The following MOGS variants were observed in gnomAD, a reference collection of about 807,000 sequenced individuals.
MOGS encodes mannosyl-oligosaccharide glucosidase, also known as epididymis secretory sperm binding protein.
In MOGS, 45 loss-of-function variants were observed where a neutral mutation model predicts 68.5. The ratio of observed to expected loss-of-function variants is 0.66; its 90% CI spans 0.52 to 0.84. The LOEUF (loss-of-function observed/expected upper bound fraction) is 0.84. Ranked by LOEUF, MOGS falls within the 40% of genes least tolerant of loss-of-function variation. The probability of loss-of-function intolerance (pLI) is 0.00; values close to 1 mark genes in which losing one functional copy is unlikely to be tolerated. For synonymous variants in MOGS, 492 were observed against 461.2 expected (o/e 1.07, Z -0.86); for missense variants, 1,020 against 1,095.0 (o/e 0.93, Z 0.97).
At chr2:74,463,966 T>TCA (rs1237695376) in intron 2 of MOGS, among the ~76,000 whole-genome samples, 41 of 149,474 alleles carry the variant, frequency 2.7e-4, no homozygotes, top group African/African-American at 9.9e-4. Flanking sequence ...CCTGGCTTTT[T>TCA]TTTTTTTCTT....
rs778829217 is a variant in MOGS, at chr2:74,464,506, A to G, written c.569T>C (p.Val190Ala). ...HGGDWSWRVT[V>A]EPQDSGTSAL... ...TCCTGAGGCCCTGACCTGAGGCTCT[A>G]CAGTCACTCTCCAGCTCCAGTCCCC... Residue 190 changes from valine (V) to alanine (A), a missense_variant, in exon 2 of 4, where the codon GTA becomes GCA. By Grantham distance (64) the Val-to-Ala change is moderately conservative. Transcript: ENST00000448666. 6.2e-7 allele frequency: 1 copy of G among 1,614,060 alleles called. No individual in the cohort carries two copies. Among genetic ancestry groups the G allele is most frequent in the South Asian group, 1.1e-5 (1 of 91,082 alleles).
Position 74,464,675 on chromosome 2 carries a change from TGAGCTTA to T in MOGS, c.393_399del (p.Lys132GlyfsTer33). The T allele has an allele frequency of 6.2e-7, 1 of 1,614,022 alleles. No homozygotes were observed. The highest frequency in any genetic ancestry group is 8.5e-7 in the Non-Finnish European group (1 of 1,179,978). On this transcript the variant is annotated frameshift_variant, in exon 2 of 4. Transcript: ENST00000448666. LOFTEE classifies it high-confidence loss of function. ...CCGTCCCCCTGCTCACACGTGTGCC[TGAGCTTA>T]GGAGTCCCCGGGGTGGTGCCCTGCT...
Position 74,465,247 on chromosome 2 carries a change from TC to T in MOGS, c.-1del. On this transcript the variant is annotated 5_prime_UTR_variant, in exon 1 of 4. Coordinates refer to ENST00000448666, the MANE Select transcript of MOGS (RefSeq NM_006302.3). ...CGGCGCCGCCGCTCGCCCCGAGCCA[TC>T]CTGGCACTGAGGTCCGCGTCACAAG... The T allele has an allele frequency of 6.9e-7, 1 of 1,439,164 alleles. No individual in the cohort carries two copies. The allele number at this position is 1,439,164 out of a possible 1,614,324, so 89.1% of individuals were successfully genotyped here.
Position 74,463,753 on chromosome 2 carries a change from TC to T in MOGS, c.580-368del, listed in dbSNP as rs1671995384. On this transcript the variant is annotated intron_variant, in intron 2 of 3. Coordinates refer to ENST00000448666, the MANE Select transcript of MOGS (RefSeq NM_006302.3). ...ATCTCAGCTCACTGCAAGCTCCGCCTCCCAGGTTCACGCCATTCTCCTGCCT... is the reference window on the plus strand; with the variant it reads ...ATCTCAGCTCACTGCAAGCTCCGCCTCCAGGTTCACGCCATTCTCCTGCCT... 4 of 200,138 alleles carry T rather than the reference TC, an allele frequency of 2.0e-5. No homozygotes were observed. The East Asian group carries it at 4.8e-4, about 24-fold the overall frequency. The allele number at this position is 200,138 out of a possible 1,614,324, so 12.4% of individuals were successfully genotyped here. A position where few individuals can be genotyped will look rare whatever the true frequency, so the allele number is the denominator to read the frequency against.
Position 74,462,590 on chromosome 2 carries a change from C to A in MOGS, c.1199G>T (p.Gly400Val). ...LGQAALSGLL[G>V]GIGYFYGQGL... is the part of the protein sequence containing the mutation. Reference sequence around the variant, plus strand: ...TTGTCCGTAGAAGTAGCCAATTCCACCAAGGAGGCCGCTGAGGGCAGCCTG... The same window carrying A: ...TTGTCCGTAGAAGTAGCCAATTCCAACAAGGAGGCCGCTGAGGGCAGCCTG... The change falls in exon 4 of 4, where the codon GGT becomes GTT. Residue 400 changes from glycine to valine, a missense_variant. Gly to Val is a moderately radical substitution (Grantham distance 109). Transcript: ENST00000448666. The A allele has an allele frequency of 6.2e-7, 1 of 1,614,024 alleles. No homozygotes were observed.
chr2:74,465,044 C>T lies in MOGS; in HGVS notation c.204G>A (p.Ala68=). 1 of 1,555,184 alleles carries T rather than the reference C, an allele frequency of 6.4e-7. No homozygotes were observed. The highest frequency in any genetic ancestry group is 8.7e-7 in the Non-Finnish European group (1 of 1,150,238). Residue 68 remains alanine (A), a synonymous_variant, in exon 1 of 4, where the codon GCG becomes GCA. Coordinates refer to ENST00000448666, the MANE Select transcript of MOGS (RefSeq NM_006302.3). The stretch of plus-strand genomic sequence containing the variant: ...CGGAGTGCAGCGTGACCGCCCGCCG[C>T]GCACGGTACCACGCCAGCACCCAGC... ...SGRWVLAWYR[A]RRAVTLHSAP... is the part of the protein sequence containing the mutation.
In MOGS at chr2:74,462,825, G is replaced by C. The variant is rs372436322; in HGVS notation, c.964C>G (p.Gln322Glu). 1.2e-6 allele frequency: 2 copies of C among 1,614,240 alleles called. No homozygotes were observed. Among genetic ancestry groups the C allele is most frequent in the Non-Finnish European group, 8.5e-7 (1 of 1,180,046 alleles). The stretch of plus-strand genomic sequence containing the variant: ...ATGGGAATTTTCAGGGTCACCTGCT[G>C]TATCAAGAACTGCCCCTGCCCTTGC... ...SGQGQGQFLI[Q>E]QVTLKIPISI... The change falls in exon 4 of 4, where the codon CAG (glutamine) becomes GAG (glutamate). Residue 322 changes from glutamine (Q) to glutamate (E), a missense_variant. Transcript: ENST00000448666.
At position 74,462,045 on chromosome 2, in the gene MOGS, G is replaced by A. The variant is rs563534545; in HGVS notation, c.1744C>T (p.Leu582=). The A allele has an allele frequency of 1.2e-6, 2 of 1,614,218 alleles. No homozygotes were observed. The highest frequency in any genetic ancestry group is 2.2e-5 in the East Asian group (1 of 44,888). ...LLNPKTLPSG[L]DDYPRASHPS... The stretch of plus-strand genomic sequence containing the variant: ...TGTGAAGCCCGGGGGTAGTCATCCA[G>A]CCCAGAGGGTAGGGTCTTGGGGTTC... Residue 582 remains leucine (L), a synonymous_variant, in exon 4 of 4, where the codon CTG becomes TTG. Coordinates refer to ENST00000448666, the MANE Select transcript of MOGS (RefSeq NM_006302.3).
chr2:74,464,454 G>T, intron 2 of MOGS, 42 bp downstream of exon 2: 1 of 1,594,444 alleles, frequency 6.3e-7, no homozygotes. Context: ...GGGAAGGATG[G>T]AGGGGGTCTG....
chr2:74,463,047 C>G, intron 3 of MOGS, 35 bp from the exon 4 acceptor site: 2 of 1,613,354 alleles, frequency 1.2e-6, no homozygotes, highest in Non-Finnish European at 1.7e-6. Flanking sequence ...AAATATTATT[C>G]AAGAGAAGGC....
chr2:74,464,870 G>A (rs1314517768), intron 1 of MOGS, 26 bp downstream of exon 1: 2 of 1,599,712 alleles, frequency 1.3e-6, no homozygotes, highest in Non-Finnish European at 1.7e-6. Flanking sequence ...GAGTCCGCCT[G>A]CCTGCCCGCC....
At chr2:74,463,163 C>G (rs768338142) in intron 3 of MOGS, 27 bp downstream of exon 3, 1 of 1,613,576 alleles carries the variant, frequency 6.2e-7, no homozygotes, top group Non-Finnish European at 8.5e-7. Context: ...CCCCTTCCAT[C>G]CCCCAACATT....
chr2:74,463,102 TGG>T, intron 3 of MOGS, 86 bp downstream of exon 3: 1 of 1,609,386 alleles, frequency 6.2e-7, no homozygotes, highest in Non-Finnish European at 8.5e-7. Flanking sequence ...GGAGTCAGGT[TGG>T]GAGGTCTCAG....
chr2:74,463,469 A>G lies in MOGS; in HGVS notation c.580-83T>C, dbSNP rs893542905. The stretch of plus-strand genomic sequence containing the variant: ...TCCCTCTTGAGAATCAGCCTTAGTG[A>G]GGGAAAGGAACAGTAGGCAGGGGTA... On this transcript the variant is annotated intron_variant, in intron 2 of 3. Transcript: ENST00000448666. 2.8e-6 allele frequency: 4 copies of G among 1,424,846 alleles called. No homozygotes were observed. The Admixed American group carries it at 7.0e-5, about 25-fold the overall frequency. The allele number at this position is 1,424,846 out of a possible 1,614,324, so 88.3% of individuals were successfully genotyped here.
Position 74,462,519 on chromosome 2 carries a change from C to T in MOGS, c.1270G>A (p.Val424Met). The T allele has an allele frequency of 6.2e-7, 1 of 1,607,990 alleles. No individual in the cohort carries two copies. The highest frequency in any genetic ancestry group is 8.5e-7 in the Non-Finnish European group (1 of 1,176,020). The change falls in exon 4 of 4, where the codon GTG (valine) becomes ATG (methionine). Residue 424 changes from valine (V) to methionine (M), a missense_variant. Physicochemically the swap from Val to Met is conservative, Grantham distance 21. Coordinates refer to ENST00000448666, the MANE Select transcript of MOGS (RefSeq NM_006302.3). ...DIGVEGSEQK[V>M]DPALFPPVPL... ...ACGGGTGGAAAGAGGGCTGGGTCCA[C>T]CTTCTGCTCAGACCCTTCCACCCCG... is the stretch of plus-strand genomic sequence containing the variant.
chr2:74,464,661 C>T lies in MOGS; in HGVS notation c.414G>A (p.Glu138=), dbSNP rs775321524. ...PGTPKLRHTC[E]QGDGVGPYGW... is the part of the protein sequence containing the mutation. ...CATAGGGACCCACACCGTCCCCCTG[C>T]TCACACGTGTGCCTGAGCTTAGGAG... Residue 138 remains glutamate, a synonymous_variant, in exon 2 of 4, where the codon GAG becomes GAA. Transcript: ENST00000448666. The T allele has an allele frequency of 1.2e-6, 2 of 1,614,100 alleles. No individual in the cohort carries two copies. Among genetic ancestry groups the T allele is most frequent in the East Asian group, 2.2e-5 (1 of 44,888 alleles).
At position 74,461,931 on chromosome 2, in the gene MOGS, C is replaced by T; in HGVS notation, c.1858G>A (p.Glu620Lys). 1.9e-6 allele frequency: 3 copies of T among 1,614,144 alleles called. No homozygotes were observed. Among genetic ancestry groups the T allele is most frequent in the Non-Finnish European group, 2.5e-6 (3 of 1,180,016 alleles). The change falls in exon 4 of 4, where the codon GAG becomes AAG. Residue 620 changes from glutamate to lysine, a missense_variant. Transcript: ENST00000448666. ...VLTRLAEHLG[E>K]AEVAAELGPL... ...CCCAGCTCAGCAGCTACCTCAGCCT[C>T]ACCCAGATGCTCTGCCAGCCGCGTC... is the stretch of plus-strand genomic sequence containing the variant.
At position 74,465,049 on chromosome 2, in the gene MOGS, G is replaced by C; in HGVS notation, c.199C>G (p.Arg67Gly). ...TGCAGCGTGACCGCCCGCCGCGCAC[G>C]GTACCACGCCAGCACCCAGCGCCCC... ...MSGRWVLAWYRARRAVTLHSA... is the reference protein window; with the variant it reads ...MSGRWVLAWYGARRAVTLHSA... Residue 67 changes from arginine to glycine, a missense_variant, in exon 1 of 4, where the codon CGT (arginine) becomes GGT (glycine). Coordinates refer to ENST00000448666, the MANE Select transcript of MOGS (RefSeq NM_006302.3). 6.4e-7 allele frequency: 1 copy of C among 1,556,008 alleles called. No homozygotes were observed. The highest frequency in any genetic ancestry group is 8.7e-7 in the Non-Finnish European group (1 of 1,150,842).
rs1432142341 is a variant in MOGS at position 74,464,559 on chromosome 2, G to A, written c.516C>T (p.Phe172=). 5 of 1,614,130 alleles carry A rather than the reference G, an allele frequency of 3.1e-6. No individual in the cohort carries two copies. Among genetic ancestry groups the A allele is most frequent in the African/African-American group, 1.3e-5 (1 of 75,036 alleles). Residue 172 remains phenylalanine (F), a synonymous_variant, in exon 2 of 4, where the codon TTC becomes TTT. Coordinates refer to ENST00000448666, the MANE Select transcript of MOGS (RefSeq NM_006302.3). The part of the protein sequence containing the change: ...QDGALRLTTE[F]VKRPGGQHGG... ...CGTGCTGACCCCCAGGCCTCTTGAC[G>A]AACTCAGTGGTGAGCCTTAAGGCCC... is the stretch of plus-strand genomic sequence containing the variant.
Sources: allele counts gnomAD v4.1 joint callset (sites outside exome capture counted in the v4.1 genomes callset), GRCh38; gene constraint gnomAD v4.1.1; transcripts MANE v1.5; gene names NCBI Gene and HGNC (gene_info 2026-07-23, HGNC 2026-07-21).